Variants in EFR3B observed in about 807,000 individuals in gnomAD.
The protein encoded by EFR3B is protein EFR3 homolog B.
Under a neutral mutation model 104.7 loss-of-function variants are expected in EFR3B, and 64 were observed. That is an observed-to-expected ratio of 0.61 (90% confidence interval 0.50 to 0.75). EFR3B has a LOEUF of 0.75. Among genes scored for constraint, EFR3B ranks in the 30% least tolerant of loss-of-function variants. The pLI is 0.00. For synonymous variants in EFR3B, 385 were observed against 417.9 expected (o/e 0.92, Z 0.96); for missense variants, 750 against 1,078.5 (o/e 0.70, Z 4.27).
At chr2:25,153,156 C>T (rs13393059) in intron 21 of EFR3B, among the ~76,000 whole-genome samples, 50,819 of 151,836 alleles carry the variant, frequency 0.33, 8,774 homozygotes, top group African/African-American at 0.39. Context: ...GAGTTCGAGA[C>T]CAGCCTGGCC....
At chr2:25,111,800 G>A in intron 4 of EFR3B, among the ~76,000 whole-genome samples, 2 of 152,148 alleles carry the variant, frequency 1.3e-5, no homozygotes, top group East Asian at 3.9e-4. Flanking sequence ...ATAGAGAAGG[G>A]GGCACAAGCC....
chr2:25,124,322 G>A (rs1305972140), intron 5 of EFR3B, among the ~76,000 whole-genome samples: 1 of 135,026 alleles, frequency 7.4e-6, no homozygotes, highest in African/African-American at 3.3e-5. Context: ...GTGTGTGTGT[G>A]TGTGTGTGTG....
chr2:25,069,559 G>T (rs1333548780), intron 1 of EFR3B, among the ~76,000 whole-genome samples: 1 of 152,230 alleles, frequency 6.6e-6, no homozygotes, highest in Non-Finnish European at 1.5e-5. Flanking sequence ...CTCCATGACT[G>T]CTCCTGCAGG....
At position 25,154,318 on chromosome 2, in the gene EFR3B, T is replaced by C; in HGVS notation, c.2432T>C (p.Phe811Ser). The stretch of plus-strand genomic sequence containing the variant: ...TCCATCCCCGTCTATGAAATGAAGT[T>C]TCCCGATCTGTGTGTATACTGAATT... ...NHSIPVYEMK[F>S]PDLCVY is the part of the protein sequence containing the mutation. Residue 811 changes from phenylalanine to serine, a missense_variant, in exon 23 of 23, where the codon TTT becomes TCT. Physicochemically the swap from Phe to Ser is radical, Grantham distance 155. Transcript: ENST00000403714. The surrounding 1 kb of genome is among the most constrained non-coding windows in gnomAD (Gnocchi z 4.1). 1 of 1,552,168 alleles carries C rather than the reference T, an allele frequency of 6.4e-7. No homozygotes were observed. The highest frequency in any genetic ancestry group is 8.7e-7 in the Non-Finnish European group (1 of 1,147,102).
At chr2:25,143,948 T>C in intron 18 of EFR3B, 86 bp downstream of exon 18, 1 of 1,457,602 alleles carries the variant, frequency 6.9e-7, no homozygotes, top group Non-Finnish European at 9.1e-7. Context: ...CTTATAGCCC[T>C]TTGATTGCCT....
chr2:25,089,705 C>T (rs1398323372), intron 1 of EFR3B, among the ~76,000 whole-genome samples: 1 of 152,124 alleles, frequency 6.6e-6, no homozygotes, highest in African/African-American at 2.4e-5. Context: ...AACCCCAACA[C>T]CTTTTCTCAG....
chr2:25,080,725 G>A, intron 1 of EFR3B: 1 of 1,125,690 alleles, frequency 8.9e-7, no homozygotes, highest in Admixed American at 2.0e-5. Context: ...ATCTTCTTGG[G>A]TTCAGTCCTG....
At chr2:25,069,242 G>A (rs1452669927) in intron 1 of EFR3B, among the ~76,000 whole-genome samples, 1 of 152,142 alleles carries the variant, frequency 6.6e-6, no homozygotes, top group African/African-American at 2.4e-5. Context: ...AGCAAAGGAG[G>A]CCAGGCCTTG....
Position 25,062,288 on chromosome 2 carries a change from G to C in EFR3B, c.7+19969G>C, listed in dbSNP as rs1668218428. Among the ~76,000 whole-genome samples, 3 of 152,152 alleles carry C rather than the reference G, an allele frequency of 2.0e-5. No individual in the cohort carries two copies. In the South Asian group the frequency reaches 6.2e-4, roughly 32 times the overall value. On this transcript the variant is annotated intron_variant, in intron 1 of 22. Transcript: ENST00000403714. ...TATGATAATAGAAATCAGATAGTTGGGCCAGTGGGTTGACTGGAAAGGGGG... is the reference window on the plus strand; with the variant it reads ...TATGATAATAGAAATCAGATAGTTGCGCCAGTGGGTTGACTGGAAAGGGGG...
In EFR3B at chr2:25,143,727, T is replaced by C. The variant is rs1670739013; in HGVS notation, c.1923-8T>C. ...TCTAACGAACTTTCTCCCTCCTTCATCTTCCAGGCTGTCTCAGAATCTTGA... is the reference window on the plus strand; with the variant it reads ...TCTAACGAACTTTCTCCCTCCTTCACCTTCCAGGCTGTCTCAGAATCTTGA... On this transcript the variant is annotated splice_polypyrimidine_tract_variant and splice_region_variant and intron_variant, in intron 17 of 22. Coordinates refer to ENST00000403714, the MANE Select transcript of EFR3B (RefSeq NM_014971.2). The C allele has an allele frequency of 6.4e-7, 1 of 1,551,382 alleles. No individual in the cohort carries two copies. Among genetic ancestry groups the C allele is most frequent in the Non-Finnish European group, 8.7e-7 (1 of 1,146,864 alleles).
intron 4 of EFR3B, among the ~76,000 whole-genome samples, chr2:25,104,010 TA>T (rs1669498027): frequency 6.6e-6 from 1 of 151,366 alleles, no homozygotes; most frequent in Non-Finnish European, 1.5e-5. Flanking sequence ...TATAATAAAA[TA>T]ATTTTTAAAA....
chr2:25,132,389 G>C (rs561424014), intron 10 of EFR3B, among the ~76,000 whole-genome samples: 41 of 152,266 alleles, frequency 2.7e-4, no homozygotes, highest in African/African-American at 8.2e-4. Context: ...GGCCAGCCGC[G>C]GAGAAAATGT....
At chr2:25,089,138 G>A (rs571868) in intron 1 of EFR3B, among the ~76,000 whole-genome samples, 152,018 of 152,268 alleles carry the variant, frequency 1, 75,886 homozygotes, top group Middle Eastern at 1. Flanking sequence ...GCAGCAGCCT[G>A]TCTGGTTTTC....
intron 1 of EFR3B, among the ~76,000 whole-genome samples, chr2:25,045,713 C>T (rs749872230): frequency 4.0e-5 from 6 of 151,536 alleles, no homozygotes; most frequent in Middle Eastern, 6.8e-3. Flanking sequence ...ACCTGGGAGG[C>T]GGAGGTTGCA....
At chr2:25,043,057 A>G (rs1474440350) in intron 1 of EFR3B, among the ~76,000 whole-genome samples, 1 of 152,132 alleles carries the variant, frequency 6.6e-6, no homozygotes, top group Non-Finnish European at 1.5e-5. Context: ...TTTTGCAGGC[A>G]GTGTGGGTGA....
At chr2:25,145,189 A>C in intron 19 of EFR3B, 138 bp downstream of exon 19, 1 of 748,286 alleles carries the variant, frequency 1.3e-6, no homozygotes, top group East Asian at 2.7e-5. Context: ...ACTTGTACTG[A>C]CTCTCCCCAC....
At chr2:25,068,975 C>T (rs188646237) in intron 1 of EFR3B, among the ~76,000 whole-genome samples, 30 of 147,222 alleles carry the variant, frequency 2.0e-4, no homozygotes, top group African/African-American at 7.3e-4. Flanking sequence ...ACTCTGTCAC[C>T]CAGGCTGGAA....
intron 16 of EFR3B, among the ~76,000 whole-genome samples, chr2:25,141,082 G>A (rs532274862): frequency 1.3e-5 from 2 of 151,622 alleles, no homozygotes; most frequent in Admixed American, 6.6e-5. Context: ...AGGCATTGGA[G>A]CCAGCAGCTG....
At chr2:25,152,680 G>A (rs772571148) in intron 21 of EFR3B, among the ~76,000 whole-genome samples, 9 of 152,078 alleles carry the variant, frequency 5.9e-5, no homozygotes, top group Non-Finnish European at 1.2e-4. Flanking sequence ...ATTCTATGCC[G>A]GGATTTATTA....
Sources: allele counts gnomAD v4.1 joint callset (sites outside exome capture counted in the v4.1 genomes callset), GRCh38; gene constraint gnomAD v4.1.1; non-coding constraint Gnocchi (gnomAD v3.1); transcripts MANE v1.5; gene names NCBI Gene and HGNC (gene_info 2026-07-23, HGNC 2026-07-21).